PPP4R3B: variants seen among roughly 807,000 people sequenced by gnomAD.
PPP4R3B encodes protein phosphatase 4 regulatory subunit 3B.
In PPP4R3B, 52 loss-of-function variants were observed where a neutral mutation model predicts 95.4. The ratio of observed to expected loss-of-function variants is 0.54; its 90% CI spans 0.44 to 0.69. The LOEUF is 0.69. Among genes scored for constraint, PPP4R3B ranks in the 30% least tolerant of loss-of-function variants. The probability of loss-of-function intolerance (pLI) is 0.00; values close to 1 mark genes in which losing one functional copy is unlikely to be tolerated. For synonymous variants in PPP4R3B, 407 were observed against 343.9 expected (o/e 1.18, Z -2.03); for missense variants, 1,003 against 1,005.9 (o/e 1.00, Z 0.04).
At chr2:55,584,110 C>T (rs546773646) in intron 7 of PPP4R3B, among the ~76,000 whole-genome samples, 104 of 152,026 alleles carry the variant, frequency 6.8e-4, no homozygotes, top group Non-Finnish European at 1.3e-3. Flanking sequence ...TGCGCCATTG[C>T]ACTCCAGCCT....
chr2:55,565,157 T>C (rs1687123714), intron 13 of PPP4R3B, 116 bp from the exon 14 acceptor site: 1 of 748,030 alleles, frequency 1.3e-6, no homozygotes, highest in Non-Finnish European at 2.0e-6. Flanking sequence ...CAAAATCACC[T>C]TCCAAAATGT....
intron 5 of PPP4R3B, among the ~76,000 whole-genome samples, chr2:55,588,652 G>C (rs570966472): frequency 2.0e-5 from 3 of 152,092 alleles, no homozygotes; most frequent in Non-Finnish European, 4.4e-5. Context: ...ATACAATGGT[G>C]GGGGGTGATA....
chr2:55,615,352 T>C, intron 2 of PPP4R3B, 99 bp downstream of exon 2: 2 of 908,622 alleles, frequency 2.2e-6, no homozygotes, highest in Non-Finnish European at 3.4e-6. Context: ...TTACCAAACA[T>C]GTTTTTTTCT....
At chr2:55,560,815 G>GGT in intron 15 of PPP4R3B, among the ~76,000 whole-genome samples, 1 of 140,848 alleles carries the variant, frequency 7.1e-6, no homozygotes, top group Non-Finnish European at 1.5e-5. Context: ...AAAAAAAGAG[G>GGT]CCTTCTGGCG....
chr2:55,612,338 T>C (rs1314822145), intron 2 of PPP4R3B, among the ~76,000 whole-genome samples: 2 of 152,360 alleles, frequency 1.3e-5, no homozygotes, highest in Admixed American at 1.3e-4. Context: ...ATAACCTAAA[T>C]GATGCCTTTT....
At chr2:55,550,391 T>C (rs983948362) in intron 16 of PPP4R3B, among the ~76,000 whole-genome samples, 1 of 152,240 alleles carries the variant, frequency 6.6e-6, no homozygotes, top group South Asian at 2.1e-4. Flanking sequence ...AAGCCCCTTG[T>C]AGTCTTTGTT....
At chr2:55,554,865 A>G (rs773278507) in intron 16 of PPP4R3B, among the ~76,000 whole-genome samples, 3 of 152,182 alleles carry the variant, frequency 2.0e-5, no homozygotes, top group Non-Finnish European at 2.9e-5. Flanking sequence ...AAAGAGTTTT[A>G]GACTTTTAAC....
At chr2:55,574,317 T>C (rs893721002) in intron 11 of PPP4R3B, among the ~76,000 whole-genome samples, 1 of 151,616 alleles carries the variant, frequency 6.6e-6, no homozygotes. Flanking sequence ...TTGCATAAAA[T>C]ATGAAATACA....
rs1689428940 is a variant in PPP4R3B, at chr2:55,581,430, G to T, written c.1365+137C>A. 1.9e-5 allele frequency: 17 copies of T among 893,112 alleles called. No homozygotes were observed. The South Asian group carries it at 3.6e-4, about 19-fold the overall frequency. 55.3% of individuals were successfully genotyped at this position (893,112 alleles called of 1,614,324 possible). ...TACAATTTTGTATTTTACCACAAAT[G>T]AATTGCTATAAGAATACCACTGCTA... On this transcript the variant is annotated intron_variant, in intron 8 of 16. Coordinates refer to ENST00000616407, the MANE Select transcript of PPP4R3B (RefSeq NM_001122964.3).
chr2:55,585,557 T>C (rs1281725183), intron 6 of PPP4R3B, among the ~76,000 whole-genome samples: 2 of 152,172 alleles, frequency 1.3e-5, no homozygotes, highest in African/African-American at 4.8e-5. Context: ...CTGCCTTTTG[T>C]CCTGATTTTG....
At chr2:55,588,020 T>A (rs1690400063) in intron 5 of PPP4R3B, among the ~76,000 whole-genome samples, 2 of 152,198 alleles carry the variant, frequency 1.3e-5, no homozygotes, top group South Asian at 4.1e-4. Context: ...TACTATAACA[T>A]ATACTTTCCC....
At chr2:55,576,300 A>G (rs1688651323) in intron 11 of PPP4R3B, among the ~76,000 whole-genome samples, 1 of 152,182 alleles carries the variant, frequency 6.6e-6, no homozygotes, top group South Asian at 2.1e-4. Context: ...GTGAGCCGAA[A>G]TTGTGCCACT....
intron 16 of PPP4R3B, among the ~76,000 whole-genome samples, chr2:55,554,738 T>C (rs181059465): frequency 2.5e-3 from 376 of 152,344 alleles, no homozygotes; most frequent in Non-Finnish European, 4.7e-3. Context: ...TACAAAATTT[T>C]TGAATTTTGA....
At position 55,547,508 on chromosome 2, in the gene PPP4R3B, A is replaced by C. The variant is rs552231558; in HGVS notation, c.*2403T>G. The C allele has an allele frequency of 5.3e-5, 8 of 152,342 alleles. No homozygotes were observed. The South Asian group carries it at 1.0e-3, about 20-fold the overall frequency. 9.4% of individuals were successfully genotyped at this position (152,342 alleles called of 1,614,324 possible). A position where few individuals can be genotyped will look rare whatever the true frequency, so the allele number is the denominator to read the frequency against. On this transcript the variant is annotated 3_prime_UTR_variant, in exon 17 of 17. Transcript: ENST00000616407. ...CAATTGTTCTTTTGAGGGATATTTT[A>C]AGCCTTGTTCTCTTATCGTCGTAGG...
intron 8 of PPP4R3B, among the ~76,000 whole-genome samples, chr2:55,580,566 T>G (rs1689319871): frequency 6.6e-6 from 1 of 152,220 alleles, no homozygotes; most frequent in Non-Finnish European, 1.5e-5. Flanking sequence ...CAATTCTATC[T>G]AAATTTTAAA....
At chr2:55,558,149 G>GT (rs1307265373) in intron 16 of PPP4R3B, among the ~76,000 whole-genome samples, 1 of 152,066 alleles carries the variant, frequency 6.6e-6, no homozygotes, top group East Asian at 1.9e-4. Flanking sequence ...ACAGTTTATG[G>GT]TAACATAAAC....
chr2:55,609,452 T>C (rs1038124618), intron 2 of PPP4R3B, among the ~76,000 whole-genome samples: 1 of 152,048 alleles, frequency 6.6e-6, no homozygotes, highest in Non-Finnish European at 1.5e-5. Flanking sequence ...AAGGCCAAGA[T>C]AGGTGGGCTG....
At position 55,617,374 on chromosome 2, in the gene PPP4R3B, T is replaced by A. The variant is rs1392095612; in HGVS notation, c.-89A>T. On this transcript the variant is annotated 5_prime_UTR_variant, in exon 1 of 17. Coordinates refer to ENST00000616407, the MANE Select transcript of PPP4R3B (RefSeq NM_001122964.3). ...TCTTAGGAGACGGTAAAGGCAGTAGTGGCGGTGGCGGCGGCGGCGGCTTCG... is the reference window on the plus strand; with the variant it reads ...TCTTAGGAGACGGTAAAGGCAGTAGAGGCGGTGGCGGCGGCGGCGGCTTCG... 1.5e-6 allele frequency: 2 copies of A among 1,371,704 alleles called. No homozygotes were observed. The highest frequency in any genetic ancestry group is 1.9e-6 in the Non-Finnish European group (2 of 1,051,862). The allele number at this position is 1,371,704 out of a possible 1,614,324, so 85.0% of individuals were successfully genotyped here.
At chr2:55,567,560 C>T (rs145622553) in intron 13 of PPP4R3B, among the ~76,000 whole-genome samples, 26 of 152,186 alleles carry the variant, frequency 1.7e-4, no homozygotes, top group South Asian at 1.2e-3. Flanking sequence ...GGACTACAGG[C>T]GTGTGCCATC....
Sources: allele counts gnomAD v4.1 joint callset (sites outside exome capture counted in the v4.1 genomes callset), GRCh38; gene constraint gnomAD v4.1.1; transcripts MANE v1.5; gene names NCBI Gene and HGNC (gene_info 2026-07-23, HGNC 2026-07-21).